AGK: variants seen among roughly 807,000 people sequenced by gnomAD.
AGK encodes the protein acylglycerol kinase.
AGK carries 52 observed loss-of-function variants against 66.4 expected under a neutral mutation model. The observed-to-expected ratio is 0.78, with a 90% CI of 0.63 to 0.99. The LOEUF (loss-of-function observed/expected upper bound fraction) is 0.99, where lower values mean the gene tolerates loss of function less well. Ranked by LOEUF, AGK falls within the 50% of genes least tolerant of loss-of-function variation. The pLI, the probability that AGK is intolerant of heterozygous loss-of-function variation, is 0.00. For missense variants in AGK, 451 were observed against 506.6 expected (o/e 0.89, Z 1.05); for synonymous variants, 182 against 181.1 (o/e 1.00, Z -0.04).
intron 8 of AGK, among the ~76,000 whole-genome samples, chr7:141,618,187 G>C (rs759249770): frequency 3.3e-5 from 5 of 152,150 alleles, no homozygotes; most frequent in Admixed American, 6.5e-5. Context: ...GCACATTGAT[G>C]GGGAGGCCTG....
At chr7:141,629,628 C>G (rs903391945) in intron 9 of AGK, among the ~76,000 whole-genome samples, 2 of 152,300 alleles carry the variant, frequency 1.3e-5, no homozygotes, top group East Asian at 1.9e-4. Context: ...TAATTATTCT[C>G]TAGATCTGCT....
rs780744663 is a variant in AGK at position 141,614,168 on chromosome 7, G to A, written c.413G>A (p.Arg138Gln). 3.3e-6 allele frequency: 5 copies of A among 1,534,814 alleles called. No homozygotes were observed. The highest frequency in any genetic ancestry group is 2.4e-5 in the South Asian group (2 of 82,242). The change falls in exon 7 of 16, where the codon CGA becomes CAA. Residue 138 changes from arginine to glutamine, a missense_variant. By Grantham distance (43) the Arg-to-Gln change is conservative. Transcript: ENST00000649286. ...LQEVVTGVLRRTDEATFSKIP... is the reference protein window; with the variant it reads ...LQEVVTGVLRQTDEATFSKIP... ...TAGGTTGTTACTGGTGTTCTTCGAC[G>A]AACAGATGAGGTGAGCATTAAAGAG...
chr7:141,608,277 T>C lies in AGK; in HGVS notation c.298-2918T>C, dbSNP rs1397338723. ...TATTACTATTAACTCCTAATAGGGGTGTTATTTTACTGCAGATGGTCAAGG... is the reference window on the plus strand; with the variant it reads ...TATTACTATTAACTCCTAATAGGGGCGTTATTTTACTGCAGATGGTCAAGG... On this transcript the variant is annotated intron_variant, in intron 5 of 15. Coordinates refer to ENST00000649286, the MANE Select transcript of AGK (RefSeq NM_018238.4). Among the ~76,000 whole-genome samples the C allele has an allele frequency of 2.1e-4, 32 of 152,004 alleles. 1 individual carries two copies. The highest frequency in any genetic ancestry group is 2.1e-3 in the Admixed American group (32 of 15,252).
chr7:141,595,360 T>C (rs1796206675), intron 3 of AGK, among the ~76,000 whole-genome samples: 1 of 152,142 alleles, frequency 6.6e-6, no homozygotes, highest in Non-Finnish European at 1.5e-5. Context: ...AGCAGCAAAA[T>C]GTTAAAGTCT....
At chr7:141,617,605 A>C (rs568228745) in intron 8 of AGK, among the ~76,000 whole-genome samples, 1 of 152,352 alleles carries the variant, frequency 6.6e-6, no homozygotes, top group African/African-American at 2.4e-5. Flanking sequence ...GCAAGTAAAT[A>C]ATCTGAAAAG....
chr7:141,579,256 G>A (rs978723710), intron 2 of AGK, among the ~76,000 whole-genome samples: 4 of 152,070 alleles, frequency 2.6e-5, no homozygotes, highest in African/African-American at 9.7e-5. Context: ...TTGGTGAGGT[G>A]TGTTTTTAAA....
intron 2 of AGK, among the ~76,000 whole-genome samples, chr7:141,579,925 G>C (rs1795846180): frequency 6.6e-6 from 1 of 151,970 alleles, no homozygotes; most frequent in Non-Finnish European, 1.5e-5. Context: ...AACTGGCTGT[G>C]AGGGACAGAA....
chr7:141,633,939 T>C lies in AGK; in HGVS notation c.627T>C (p.Leu209=), dbSNP rs1797114117. The C allele has an allele frequency of 6.2e-7, 1 of 1,613,966 alleles. No individual in the cohort carries two copies. Among genetic ancestry groups the C allele is most frequent in the African/African-American group, 1.3e-5 (1 of 74,940 alleles). Residue 209 remains leucine (L), a synonymous_variant, in exon 10 of 16, where the codon CTT becomes CTC. Transcript: ENST00000649286. ...AGCCTGTATTTGCAATGACCGGCCT[T>C]CGATGGGGATCTTTCAGAGATGCTG... ...KEQPVFAMTG[L]RWGSFRDAGV...
chr7:141,625,746 A>G (rs929179786), intron 9 of AGK, among the ~76,000 whole-genome samples: 21 of 152,120 alleles, frequency 1.4e-4, no homozygotes, highest in African/African-American at 5.1e-4. Flanking sequence ...AACTGTTCTC[A>G]TATCTCATCA....
rs192670312 is a variant in AGK, at chr7:141,610,241, A to G, written c.298-954A>G. Among the ~76,000 whole-genome samples the G allele has an allele frequency of 1.0e-2, 1,519 of 152,268 alleles. 26 individuals are homozygous for G. Among genetic ancestry groups the G allele is most frequent in the African/African-American group, 0.035 (1,449 of 41,548 alleles). ...CTTGGCCTCCCAAAGTGCTGGGATT[A>G]CAGGCGTGAGCCACCGCACCTGGCC... On this transcript the variant is annotated intron_variant, in intron 5 of 15. Transcript: ENST00000649286.
intron 5 of AGK, among the ~76,000 whole-genome samples, chr7:141,606,067 C>T (rs1321959790): frequency 6.6e-6 from 1 of 152,152 alleles, no homozygotes; most frequent in East Asian, 1.9e-4. Context: ...TGGAGTCTGT[C>T]TGTATTTACA....
At chr7:141,595,908 C>A (rs1445876230) in intron 3 of AGK, among the ~76,000 whole-genome samples, 1 of 152,212 alleles carries the variant, frequency 6.6e-6, no homozygotes, top group East Asian at 1.9e-4. Context: ...GGAACTTAAT[C>A]TTCCTGATTC....
At chr7:141,556,496 G>C (rs1049526613) in intron 2 of AGK, among the ~76,000 whole-genome samples, 2 of 151,182 alleles carry the variant, frequency 1.3e-5, no homozygotes, top group African/African-American at 4.9e-5. Flanking sequence ...ATCCCAGATC[G>C]GGCCACTGCA....
intron 14 of AGK, chr7:141,650,760 GT>G: frequency 2.3e-6 from 2 of 853,812 alleles, no homozygotes; most frequent in Non-Finnish European, 2.8e-6. Flanking sequence ...TCATCCCACG[GT>G]ATCCTTGGGG....
chr7:141,616,387 C>T (rs1796701698), intron 8 of AGK: 1 of 152,066 alleles, frequency 6.6e-6, no homozygotes, highest in South Asian at 2.1e-4. Context: ...AAAATTTTCT[C>T]ATGATTTTTC....
chr7:141,556,473 G>A (rs534326779), intron 2 of AGK, among the ~76,000 whole-genome samples: 20 of 151,850 alleles, frequency 1.3e-4, no homozygotes, highest in African/African-American at 4.6e-4. Context: ...CCTGGGAGGT[G>A]GAGGTTGTGG....
chr7:141,627,469 T>C (rs1454506989), intron 9 of AGK, among the ~76,000 whole-genome samples: 1 of 152,194 alleles, frequency 6.6e-6, no homozygotes, highest in East Asian at 1.9e-4. Context: ...CACTGTGTCA[T>C]GATTCCAAAG....
chr7:141,595,690 G>T (rs1796212141), intron 3 of AGK, among the ~76,000 whole-genome samples: 1 of 152,022 alleles, frequency 6.6e-6, no homozygotes. Context: ...TGCCCATTTT[G>T]GTACTTTCCT....
intron 4 of AGK, chr7:141,599,303 GTAAT>G (rs1206668230): frequency 1.3e-5 from 2 of 151,980 alleles, no homozygotes; most frequent in African/African-American, 2.4e-5. Context: ...ACATAAAAGA[GTAAT>G]TATTTTTTGT....
Sources: allele counts gnomAD v4.1 joint callset (sites outside exome capture counted in the v4.1 genomes callset), GRCh38; gene constraint gnomAD v4.1.1; transcripts MANE v1.5; gene names NCBI Gene and HGNC (gene_info 2026-07-23, HGNC 2026-07-21).